Variants in AMMECR1 observed in about 807,000 individuals in gnomAD.
The protein encoded by AMMECR1 is AMMECR nuclear protein 1.
Under a neutral mutation model 22.5 loss-of-function variants are expected in AMMECR1, and 3 were observed. The ratio of observed to expected loss-of-function variants is 0.13; its 90% CI spans 0.06 to 0.35. The LOEUF is 0.35. Ranked by LOEUF, AMMECR1 falls within the 10% of genes least tolerant of loss-of-function variation. The pLI is 1.00. For missense variants in AMMECR1, 235 were observed against 278.7 expected, an observed-to-expected ratio of 0.84 and a Z score of 1.12; for synonymous variants, 130 against 116.7, an observed-to-expected ratio of 1.11 and a Z score of -0.74.
At chrX:110,426,441 G>A (rs2068754956) in intron 2 of AMMECR1, among the ~76,000 whole-genome samples, 1 of 111,612 alleles carries the variant, frequency 9.0e-6, no homozygotes, top group South Asian at 3.8e-4. Flanking sequence ...GACCAGTGAC[G>A]CACTGGAAAA....
intron 2 of AMMECR1, among the ~76,000 whole-genome samples, chrX:110,250,802 C>G (rs2067682866): frequency 8.9e-6 from 1 of 111,962 alleles, no homozygotes; most frequent in Non-Finnish European, 1.9e-5. Context: ...ATTAAAGTAT[C>G]TGATAGGGGT....
chrX:110,372,128 C>G (rs963984497), intron 2 of AMMECR1, among the ~76,000 whole-genome samples: 1 of 111,733 alleles, frequency 8.9e-6, no homozygotes, highest in African/African-American at 3.2e-5. Flanking sequence ...TTGCAACACT[C>G]TGTGTTTAGA....
chrX:110,329,616 T>G (rs1186199614), intron 2 of AMMECR1, among the ~76,000 whole-genome samples: 1 of 111,967 alleles, frequency 8.9e-6, no homozygotes, highest in Admixed American at 9.5e-5. Flanking sequence ...TTCCCTATAT[T>G]AATGGTATGT....
At chrX:110,381,839 T>C (rs1048252634) in intron 2 of AMMECR1, among the ~76,000 whole-genome samples, 3 of 110,800 alleles carry the variant, frequency 2.7e-5, no homozygotes, top group Non-Finnish European at 5.7e-5. Context: ...TATTCTCACT[T>C]ATAAGTGGGA....
chrX:110,269,240 CA>C lies in AMMECR1; in HGVS notation c.474-4642del, dbSNP rs764028502. Among the ~76,000 whole-genome samples, 610 of 111,773 alleles carry C rather than the reference CA, an allele frequency of 5.5e-3. 3 individuals are homozygous for C. The highest frequency in any genetic ancestry group is 0.019 in the African/African-American group (593 of 30,791). ...CCCCATCTACTGATGTGAGCCAGAA[CA>C]AATCAGAAATATGTTTGCAGGAGCA... On this transcript the variant is annotated intron_variant, in intron 1 of 5. Transcript: ENST00000262844.
intron 2 of AMMECR1, among the ~76,000 whole-genome samples, chrX:110,345,842 T>C (rs891255976): frequency 1.9e-4 from 21 of 112,447 alleles, no homozygotes; most frequent in Middle Eastern, 4.7e-3. Context: ...TTGACTTTTG[T>C]TCCAGAGTTT....
chrX:110,387,999 C>T (rs1354557536), intron 2 of AMMECR1, among the ~76,000 whole-genome samples: 2 of 109,099 alleles, frequency 1.8e-5, no homozygotes, highest in Admixed American at 9.7e-5. Context: ...GTAGCTGGGA[C>T]AACAGGCGCC....
At chrX:110,309,420 A>G (rs1485100532) in intron 1 of AMMECR1, 1 of 112,174 alleles carries the variant, frequency 8.9e-6, no homozygotes, top group Admixed American at 9.4e-5. Flanking sequence ...TCTTAATTCA[A>G]TCTCACTACT....
intron 2 of AMMECR1, among the ~76,000 whole-genome samples, chrX:110,230,610 G>A (rs1030201636): frequency 5.9e-4 from 66 of 111,844 alleles, no homozygotes; most frequent in African/African-American, 2.1e-3. Flanking sequence ...CTAAAAATGA[G>A]AGCACCTCTT....
chrX:110,322,750 T>G (rs2068083908), upstream of AMMECR1, among the ~76,000 whole-genome samples: 1 of 112,204 alleles, frequency 8.9e-6, no homozygotes, highest in Non-Finnish European at 1.9e-5. Flanking sequence ...TGTAGCTCAT[T>G]TTGCCTCACT....
At chrX:110,230,750 T>C (rs1306288580) in intron 2 of AMMECR1, among the ~76,000 whole-genome samples, 1 of 111,578 alleles carries the variant, frequency 9.0e-6, no homozygotes, top group Admixed American at 9.5e-5. Context: ...AAGGAGGATG[T>C]TCAAACTCAT....
At chrX:110,401,646 A>G (rs1341301780) in intron 2 of AMMECR1, among the ~76,000 whole-genome samples, 2 of 111,658 alleles carry the variant, frequency 1.8e-5, no homozygotes, top group Non-Finnish European at 3.8e-5. Context: ...TCCTACAACC[A>G]AAGGGTGTTT....
At chrX:110,248,806 C>T (rs1267779767) in intron 2 of AMMECR1, among the ~76,000 whole-genome samples, 8 of 112,033 alleles carry the variant, frequency 7.1e-5, no homozygotes, top group Non-Finnish European at 1.5e-4. Context: ...GAATCCTTCC[C>T]CCGAGGCTCT....
intron 1 of AMMECR1, among the ~76,000 whole-genome samples, chrX:110,431,896 A>G (rs1353188515): frequency 1.8e-5 from 2 of 111,887 alleles, no homozygotes; most frequent in Non-Finnish European, 3.8e-5. Flanking sequence ...TTAGAAGCAT[A>G]TTAGGTGAGA....
chrX:110,209,421 TATA>T (rs1316671852), intron 3 of AMMECR1, among the ~76,000 whole-genome samples: 2 of 112,304 alleles, frequency 1.8e-5, no homozygotes, highest in African/African-American at 3.2e-5. Context: ...GACTTAAATA[TATA>T]ATGTTGACTT....
chrX:110,312,475 T>A (rs1192339764), intron 1 of AMMECR1, among the ~76,000 whole-genome samples: 1 of 112,163 alleles, frequency 8.9e-6, no homozygotes, highest in Non-Finnish European at 1.9e-5. Context: ...ACCCGCTAAC[T>A]GAAACCTGAG....
chrX:110,208,918 G>A (rs1425276571), intron 3 of AMMECR1, among the ~76,000 whole-genome samples: 1 of 111,377 alleles, frequency 9.0e-6, no homozygotes, highest in East Asian at 2.8e-4. Flanking sequence ...AAATGTTCAG[G>A]CAGCACAGGT....
At chrX:110,389,727 A>G (rs1482380878) in intron 2 of AMMECR1, among the ~76,000 whole-genome samples, 1 of 110,616 alleles carries the variant, frequency 9.0e-6, no homozygotes, top group African/African-American at 3.3e-5. Context: ...GGGAGAAAGT[A>G]GAAAGGGAGA....
At chrX:110,280,595 C>T (rs1208821071) in intron 1 of AMMECR1, among the ~76,000 whole-genome samples, 2 of 111,060 alleles carry the variant, frequency 1.8e-5, no homozygotes, top group African/African-American at 6.5e-5. Context: ...AATACATGTT[C>T]ACTATAAAAA....
Sources: allele counts gnomAD v4.1 joint callset (sites outside exome capture counted in the v4.1 genomes callset), GRCh38; gene constraint gnomAD v4.1.1; transcripts MANE v1.5; gene names NCBI Gene and HGNC (gene_info 2026-07-23, HGNC 2026-07-21).